Variants in SLC24A4 observed in about 807,000 individuals in gnomAD.
SLC24A4 encodes the protein solute carrier family 24 member 4.
A neutral mutation model predicts 79.0 loss-of-function variants in SLC24A4; 53 were observed. That is an observed-to-expected ratio of 0.67 (90% CI 0.54 to 0.84). The LOEUF is 0.84. Among genes scored for constraint, SLC24A4 ranks in the 40% least tolerant of loss-of-function variants. The pLI is 0.00. For synonymous variants in SLC24A4, 323 were observed against 323.8 expected (o/e 1.00, Z 0.03); for missense variants, 731 against 822.0 (o/e 0.89, Z 1.35).
At chr14:92,373,250 G>C (rs1226538797) in intron 2 of SLC24A4, among the ~76,000 whole-genome samples, 1 of 151,728 alleles carries the variant, frequency 6.6e-6, no homozygotes, top group Non-Finnish European at 1.5e-5. Flanking sequence ...CACCATGTTG[G>C]CCAGGCTGGT....
chr14:92,352,253 C>T (rs11626121), intron 2 of SLC24A4, among the ~76,000 whole-genome samples: 149,341 of 152,224 alleles, frequency 0.98, 73,303 homozygotes, highest in Middle Eastern at 1. Flanking sequence ...GAGAGAGAGC[C>T]ACCCCAAAGG....
At chr14:92,474,551 C>G (rs1359604090) in intron 12 of SLC24A4, among the ~76,000 whole-genome samples, 2 of 151,538 alleles carry the variant, frequency 1.3e-5, no homozygotes, top group East Asian at 3.9e-4. Context: ...ATGGTGTGAT[C>G]TCTGCTCACT....
chr14:92,329,147 G>A (rs76948927), intron 2 of SLC24A4, among the ~76,000 whole-genome samples: 4,999 of 152,306 alleles, frequency 0.033, 256 homozygotes, highest in African/African-American at 0.11. Context: ...AGGGTGCCTT[G>A]TCCAGCTCTG....
rs912648781 is a variant in SLC24A4, at chr14:92,490,330, A to G, written c.1538-1335A>G. On this transcript the variant is annotated intron_variant, in intron 14 of 16. Coordinates refer to ENST00000532405, the MANE Select transcript of SLC24A4 (RefSeq NM_153646.4). This position sits in a 1 kb window ranked among gnomAD's most constrained non-coding sequence, Gnocchi z 4.3. ...CAGCCAGTACGAGTCTTACTTACAA[A>G]AGTTTGCTTTCTTAATTATATGCCT... is the stretch of plus-strand genomic sequence containing the variant. Among the ~76,000 whole-genome samples the G allele has an allele frequency of 3.9e-5, 6 of 152,124 alleles. No individual in the cohort carries two copies. Among genetic ancestry groups the G allele is most frequent in the African/African-American group, 1.4e-4 (6 of 41,412 alleles).
chr14:92,338,395 C>A (rs1019152481), intron 2 of SLC24A4, among the ~76,000 whole-genome samples: 14 of 152,206 alleles, frequency 9.2e-5, no homozygotes, highest in Admixed American at 3.3e-4. Context: ...AGACATCTCA[C>A]CTTTGTGAAA....
Position 92,499,702 on chromosome 14 carries a change from T to G in SLC24A4, c.*6074T>G, listed in dbSNP as rs989622375. The G allele has an allele frequency of 6.6e-6, 1 of 151,722 alleles. No homozygotes were observed. The highest frequency in any genetic ancestry group is 2.4e-5 in the African/African-American group (1 of 41,300). The allele number at this position is 151,722 out of a possible 1,614,324, so 9.4% of individuals were successfully genotyped here. A position where few individuals can be genotyped will look rare whatever the true frequency, so the allele number is the denominator to read the frequency against. The stretch of plus-strand genomic sequence containing the variant: ...AATTTGTTTTCATTTTTTTTTTTTT[T>G]AGAGACAGGATCTCGCTGTGTTCCC... On this transcript the variant is annotated 3_prime_UTR_variant, in exon 17 of 17. Transcript: ENST00000532405.
At chr14:92,349,529 G>T (rs1886749831) in intron 2 of SLC24A4, among the ~76,000 whole-genome samples, 1 of 152,146 alleles carries the variant, frequency 6.6e-6, no homozygotes, top group African/African-American at 2.4e-5. Context: ...ATTGTAGATT[G>T]GCATGAAGTT....
intron 2 of SLC24A4, among the ~76,000 whole-genome samples, chr14:92,424,216 T>C (rs1891446095): frequency 6.6e-6 from 1 of 152,156 alleles, no homozygotes; most frequent in Non-Finnish European, 1.5e-5. Flanking sequence ...AAGACTGAAT[T>C]GTGTCTCTCT....
Position 92,353,864 on chromosome 14 carries a change from T to A in SLC24A4, c.241+27886T>A, listed in dbSNP as rs1052874971. 6.6e-6 allele frequency among the ~76,000 whole-genome samples: 1 copy of A among 152,158 alleles called. No homozygotes were observed. Among genetic ancestry groups the A allele is most frequent in the Non-Finnish European group, 1.5e-5 (1 of 68,020 alleles). On this transcript the variant is annotated intron_variant, in intron 2 of 16. Transcript: ENST00000532405. The surrounding 1 kb of genome is among the most constrained non-coding windows in gnomAD (Gnocchi z 4.1). Reference sequence around the variant, plus strand: ...ACCTGTAGCAGAGCATAACTTCAGCTCCCCTGTCCCAGCTGCCTGTGCCGC... The same window carrying A: ...ACCTGTAGCAGAGCATAACTTCAGCACCCCTGTCCCAGCTGCCTGTGCCGC...
intron 2 of SLC24A4, among the ~76,000 whole-genome samples, chr14:92,361,345 A>G (rs1324645248): frequency 6.6e-6 from 1 of 150,600 alleles, no homozygotes; most frequent in Non-Finnish European, 1.5e-5. Context: ...TTCTGGGGGT[A>G]GAGAAGCAAG....
intron 2 of SLC24A4, among the ~76,000 whole-genome samples, chr14:92,376,440 CA>C (rs1489744140): frequency 6.6e-5 from 10 of 152,260 alleles, no homozygotes; most frequent in Non-Finnish European, 2.9e-5. Flanking sequence ...CGCATGTTCC[CA>C]GGCCACGTCG....
At chr14:92,484,515 C>T (rs1269658446) in intron 13 of SLC24A4, 1 of 985,212 alleles carries the variant, frequency 1.0e-6, no homozygotes, top group Non-Finnish European at 1.2e-6. Context: ...CTCTGTATCC[C>T]AAAAAGAAGC....
rs115483254 is a variant in SLC24A4 at position 92,382,719 on chromosome 14, G to T, written c.242-51193G>T. On this transcript the variant is annotated intron_variant, in intron 2 of 16. Coordinates refer to ENST00000532405, the MANE Select transcript of SLC24A4 (RefSeq NM_153646.4). ...TGCCTTGGCCACCTAACCCTACCTG[G>T]AAACAAAGGAATTGATCAGTCCTAG... is the stretch of plus-strand genomic sequence containing the variant. Among the ~76,000 whole-genome samples, 633 of 152,268 alleles carry T rather than the reference G, an allele frequency of 4.2e-3. 5 individuals are homozygous for T. The highest frequency in any genetic ancestry group is 0.014 in the African/African-American group (599 of 41,556).
intron 2 of SLC24A4, among the ~76,000 whole-genome samples, chr14:92,430,195 G>A (rs931601647): frequency 6.6e-6 from 1 of 152,208 alleles, no homozygotes; most frequent in African/African-American, 2.4e-5. Context: ...CTGAGAGGAA[G>A]AGCTGCCATA....
intron 2 of SLC24A4, among the ~76,000 whole-genome samples, chr14:92,427,160 C>G (rs764589013): frequency 6.6e-6 from 1 of 152,246 alleles, no homozygotes; most frequent in Non-Finnish European, 1.5e-5. Context: ...AAGACAGGGG[C>G]TGAGGAGGCA....
intron 7 of SLC24A4, 47 bp downstream of exon 7, chr14:92,443,521 G>A (rs1316640774): frequency 5.7e-6 from 9 of 1,582,178 alleles, no homozygotes; most frequent in African/African-American, 4.0e-5. Context: ...GGGACCCTGC[G>A]AAGGCACAGG....
chr14:92,491,622 G>A, intron 14 of SLC24A4, 43 bp from the exon 15 acceptor site: 1 of 1,337,838 alleles, frequency 7.5e-7, no homozygotes, highest in Non-Finnish European at 1.1e-6. Flanking sequence ...CAGGCTTCTG[G>A]TGACCTGCTC....
At chr14:92,361,283 ATT>A (rs11337954) in intron 2 of SLC24A4, among the ~76,000 whole-genome samples, 337 of 138,520 alleles carry the variant, frequency 2.4e-3, no homozygotes, top group South Asian at 3.7e-3. Flanking sequence ...GCTAACAACT[ATT>A]TTTTTTTTTT....
At chr14:92,418,741 C>G (rs531327579) in intron 2 of SLC24A4, among the ~76,000 whole-genome samples, 116 of 152,074 alleles carry the variant, frequency 7.6e-4, no homozygotes, top group African/African-American at 2.7e-3. Context: ...TCACTCTATC[C>G]CCCAGGCTGG....
Sources: allele counts gnomAD v4.1 joint callset (sites outside exome capture counted in the v4.1 genomes callset), GRCh38; gene constraint gnomAD v4.1.1; non-coding constraint Gnocchi (gnomAD v3.1); transcripts MANE v1.5; gene names NCBI Gene and HGNC (gene_info 2026-07-23, HGNC 2026-07-21).